The following ZNFX1 variants were observed in gnomAD, a reference collection of about 807,000 sequenced individuals.
ZNFX1 encodes the protein zinc finger NFX1-type containing 1.
ZNFX1 carries 78 observed loss-of-function variants against 179.8 expected under a neutral mutation model. The ratio of observed to expected loss-of-function variants is 0.43; its 90% CI spans 0.36 to 0.52. ZNFX1 has a LOEUF of 0.52. Ranked by LOEUF, ZNFX1 falls within the 20% of genes least tolerant of loss-of-function variation. ZNFX1 has a pLI of 0.00. For synonymous variants in ZNFX1, 848 were observed against 868.5 expected, an observed-to-expected ratio of 0.98 and a Z score of 0.42; for missense variants, 1,927 against 2,386.6, an observed-to-expected ratio of 0.81 and a Z score of 4.01.
In ZNFX1 at chr20:49,248,219, C is replaced by A. The variant is rs773563724; in HGVS notation, c.4805G>T (p.Arg1602Leu). The change falls in exon 14 of 14, where the codon CGC becomes CTC. Residue 1602 changes from arginine (R) to leucine (L), a missense_variant. By Grantham distance (102) the Arg-to-Leu change is moderately radical. Transcript: ENST00000396105. This position sits in a 1 kb window ranked among gnomAD's most constrained non-coding sequence, Gnocchi z 4.6. ...SHIFEVQALD[R>L]YMNEQKDDEV... ...ATCATCCTTCTGTTCATTCATGTAG[C>A]GGTCTAGGGCTTGCACCTCAAAGAT... 1.2e-6 allele frequency: 2 copies of A among 1,614,134 alleles called. No homozygotes were observed.
intron 1 of ZNFX1, among the ~76,000 whole-genome samples, chr20:49,277,355 C>T (rs1323813948): frequency 1.3e-5 from 2 of 149,882 alleles, no homozygotes; most frequent in East Asian, 4.0e-4. Context: ...GTTATGGGGG[C>T]CTTGGGGAGA....
At chr20:49,260,281 C>G (rs113275058) in intron 7 of ZNFX1, among the ~76,000 whole-genome samples, 182 bp downstream of exon 7, 169 of 125,326 alleles carry the variant, frequency 1.3e-3, no homozygotes, top group Non-Finnish European at 2.1e-3. Context: ...AAGAGTGAAA[C>G]TCCATCTCAA....
chr20:49,255,703 CAATCAATAATTAGTTAACATCGTTGA>C, intron 9 of ZNFX1, 79 bp downstream of exon 9: 1 of 1,322,472 alleles, frequency 7.6e-7, no homozygotes, highest in Non-Finnish European at 1.0e-6. Context: ...TGGTGGTGCT[CAATCAATAATTAGTTAACATCGTTGA>C]AGGTCTTGGA....
chr20:49,266,362 A>C, intron 3 of ZNFX1, 96 bp from the exon 4 acceptor site: 1 of 1,138,496 alleles, frequency 8.8e-7, no homozygotes, highest in Non-Finnish European at 1.2e-6. Context: ...AATATAATAC[A>C]TTAAGATAGT....
rs142430147 is a variant in ZNFX1 at position 49,271,559 on chromosome 20, C to T, written c.253G>A (p.Glu85Lys). The T allele has an allele frequency of 5.4e-4, 870 of 1,614,178 alleles. 6 individuals are homozygous for T. Among genetic ancestry groups the T allele is most frequent in the Middle Eastern group, 4.1e-3 (25 of 6,062 alleles). The change falls in exon 3 of 14, where the codon GAG (glutamate) becomes AAG (lysine). Residue 85 changes from glutamate (E) to lysine (K), a missense_variant. Transcript: ENST00000396105. ...RNPHQGRRNQ[E>K]GHASDEARDQ... The stretch of plus-strand genomic sequence containing the variant: ...CTAGCTTCGTCGCTGGCATGCCCCT[C>T]CTGGTTCCTCCTTCCTTGATGTGGG...
In ZNFX1 at chr20:49,273,827, G is replaced by T. The variant is rs1210882199; in HGVS notation, c.61+1952C>A. ...CGCTTGTGGTCCCAGCTACTTGGGA[G>T]GCTGAGGTGGGATGATTGCTTGAGC... On this transcript the variant is annotated intron_variant, in intron 2 of 13. Coordinates refer to ENST00000396105, the MANE Select transcript of ZNFX1 (RefSeq NM_021035.3). Among the ~76,000 whole-genome samples the T allele has an allele frequency of 3.3e-5, 5 of 152,196 alleles. No individual in the cohort carries two copies. The East Asian group carries it at 9.6e-4, about 29-fold the overall frequency.
At chr20:49,275,197 A>G (rs1472520704) in intron 2 of ZNFX1, among the ~76,000 whole-genome samples, 1 of 152,184 alleles carries the variant, frequency 6.6e-6, no homozygotes, top group East Asian at 1.9e-4. Flanking sequence ...GCTGCTCTAC[A>G]CCAAACGTCA....
chr20:49,259,083 C>G (rs1042696402), intron 7 of ZNFX1, among the ~76,000 whole-genome samples: 1 of 134,034 alleles, frequency 7.5e-6, no homozygotes, highest in African/African-American at 2.8e-5. Flanking sequence ...GCCTGGTGGA[C>G]AGAGTGAGAC....
intron 3 of ZNFX1, among the ~76,000 whole-genome samples, chr20:49,268,065 C>T (rs1981284812): frequency 6.6e-6 from 1 of 151,914 alleles, no homozygotes; most frequent in Non-Finnish European, 1.5e-5. Context: ...TTAGTAGAGA[C>T]AGGGTTTCGT....
chr20:49,247,978 G>C lies in ZNFX1; in HGVS notation c.5046C>G (p.Phe1682Leu), dbSNP rs1202141171. The change falls in exon 14 of 14, where the codon TTC (phenylalanine) becomes TTG (leucine). Residue 1682 changes from phenylalanine (F) to leucine (L), a missense_variant. Transcript: ENST00000396105. Reference protein sequence around the residue: ...SLLHQLLPEDFLMLKEKLAQK... With the variant: ...SLLHQLLPEDLLMLKEKLAQK... ...GGGCCAGCTTCTCCTTTAACATCAG[G>C]AAGTCTTCAGGAAGCAGCTGGTGGA... 1 of 1,613,934 alleles carries C rather than the reference G, an allele frequency of 6.2e-7. No individual in the cohort carries two copies. The highest frequency in any genetic ancestry group is 1.3e-5 in the African/African-American group (1 of 74,890).
chr20:49,256,465 A>T (rs1400793552), intron 8 of ZNFX1, among the ~76,000 whole-genome samples: 2 of 152,168 alleles, frequency 1.3e-5, no homozygotes, highest in Non-Finnish European at 2.9e-5. Context: ...AGTGCCTGCT[A>T]AAACGGTCCT....
chr20:49,257,528 C>A lies in ZNFX1; in HGVS notation c.2553G>T (p.Lys851Asn). The A allele has an allele frequency of 6.2e-7, 1 of 1,613,896 alleles. No individual in the cohort carries two copies. The highest frequency in any genetic ancestry group is 1.1e-5 in the South Asian group (1 of 91,058). The change falls in exon 8 of 14, where the codon AAG (lysine) becomes AAT (asparagine). Residue 851 changes from lysine to asparagine, a missense_variant. Transcript: ENST00000396105. ...ACTCCTGGTCTGCTCCACTCTCTTC[C>A]TTCTTCCGCCGCTGGGGCCTCACCA... The part of the protein sequence containing the change: ...EEVVRPQRRK[K>N]EESGADQELA...
chr20:49,273,344 C>T (rs899920904), intron 2 of ZNFX1, among the ~76,000 whole-genome samples: 5 of 151,788 alleles, frequency 3.3e-5, no homozygotes, highest in African/African-American at 1.2e-4. Flanking sequence ...ATGTTAGCCT[C>T]GATGGTCTCA....
At chr20:49,275,172 T>C (rs1215995571) in intron 2 of ZNFX1, among the ~76,000 whole-genome samples, 1 of 152,154 alleles carries the variant, frequency 6.6e-6, no homozygotes, top group Non-Finnish European at 1.5e-5. Flanking sequence ...TTGGCTTACA[T>C]TGTTTCTATT....
intron 9 of ZNFX1, among the ~76,000 whole-genome samples, chr20:49,255,545 C>A (rs559640037): frequency 6.6e-6 from 1 of 152,166 alleles, no homozygotes; most frequent in African/African-American, 2.4e-5. Context: ...TGTGGAATTA[C>A]GTGATTAATT....
At chr20:49,250,234 G>A (rs1357247196) in intron 13 of ZNFX1, among the ~76,000 whole-genome samples, 1 of 152,118 alleles carries the variant, frequency 6.6e-6, no homozygotes, top group East Asian at 1.9e-4. Context: ...CAGCCTGGGT[G>A]ACAGACAGAG....
chr20:49,265,113 C>G (rs2146737849), intron 4 of ZNFX1, among the ~76,000 whole-genome samples: 1 of 152,292 alleles, frequency 6.6e-6, no homozygotes, highest in African/African-American at 2.4e-5. Flanking sequence ...AGCTCTACCA[C>G]TTATTGCTGT....
Position 49,252,845 on chromosome 20 carries a change from A to G in ZNFX1, c.3106-15T>C, listed in dbSNP as rs1980876811. The stretch of plus-strand genomic sequence containing the variant: ...CTGGGGCGCAGCTGAGAAGAGAAAC[A>G]TGGCTGAGGATTCTCTACTGATAAA... On this transcript the variant is annotated splice_polypyrimidine_tract_variant and intron_variant, in intron 11 of 13. Coordinates refer to ENST00000396105, the MANE Select transcript of ZNFX1 (RefSeq NM_021035.3). The G allele has an allele frequency of 1.9e-6, 3 of 1,583,844 alleles. No individual in the cohort carries two copies. The highest frequency in any genetic ancestry group is 1.1e-5 in the South Asian group (1 of 90,468).
At chr20:49,271,812 C>CTTGGTTCTTGTG in intron 2 of ZNFX1, 62 bp from the exon 3 acceptor site, 1 of 1,506,988 alleles carries the variant, frequency 6.6e-7, no homozygotes, top group Non-Finnish European at 8.9e-7. Context: ...CCCAACAGAA[C>CTTGGTTCTTGTG]GACAATGAAC....
Sources: allele counts gnomAD v4.1 joint callset (sites outside exome capture counted in the v4.1 genomes callset), GRCh38; gene constraint gnomAD v4.1.1; non-coding constraint Gnocchi (gnomAD v3.1); transcripts MANE v1.5; gene names NCBI Gene and HGNC (gene_info 2026-07-23, HGNC 2026-07-21).